The following NRXN3 variants were observed in gnomAD, a reference collection of about 807,000 sequenced individuals.
NRXN3 encodes the protein neurexin 3, also known as neurexin III.
In NRXN3, 32 loss-of-function variants were observed where a neutral mutation model predicts 137.6. The observed-to-expected ratio is 0.23, with a 90% CI of 0.18 to 0.31. The LOEUF is 0.31. NRXN3 is among the 10% of genes least tolerant of loss of function. The probability of loss-of-function intolerance (pLI) is 1.00; values close to 1 mark genes in which losing one functional copy is unlikely to be tolerated. For missense variants in NRXN3, 1,574 were observed against 2,062.5 expected (o/e 0.76, Z 4.59); for synonymous variants, 798 against 784.5 (o/e 1.02, Z -0.29).
chr14:79,330,196 C>G (rs192354403), intron 15 of NRXN3, among the ~76,000 whole-genome samples: 155 of 152,078 alleles, frequency 1.0e-3, no homozygotes, highest in African/African-American at 3.7e-3. Flanking sequence ...AGGGGTGGAT[C>G]TGTTAATAGA....
chr14:79,720,003 A>G (rs2098838590), intron 19 of NRXN3, among the ~76,000 whole-genome samples: 1 of 151,992 alleles, frequency 6.6e-6, no homozygotes, highest in African/African-American at 2.4e-5. Flanking sequence ...ATCCCTCAAG[A>G]CTAAGTTGAA....
chr14:78,303,434 G>T (rs546670868), intron 4 of NRXN3, among the ~76,000 whole-genome samples: 105 of 152,060 alleles, frequency 6.9e-4, no homozygotes, highest in Non-Finnish European at 1.2e-3. Context: ...CATGCAGAAA[G>T]GACTCAAAAT....
At chr14:79,097,314 G>A (rs1429148513) in intron 15 of NRXN3, among the ~76,000 whole-genome samples, 1 of 152,162 alleles carries the variant, frequency 6.6e-6, no homozygotes, top group Non-Finnish European at 1.5e-5. Context: ...GTAACCCTAG[G>A]AGTTTGGCGG....
chr14:78,445,250 G>T (rs2094385941), intron 4 of NRXN3, among the ~76,000 whole-genome samples: 1 of 152,138 alleles, frequency 6.6e-6, no homozygotes, highest in Non-Finnish European at 1.5e-5. Context: ...CTTCCTGTTT[G>T]GTTATTGGAA....
intron 19 of NRXN3, among the ~76,000 whole-genome samples, chr14:79,798,139 G>T (rs934234258): frequency 5.9e-5 from 9 of 151,710 alleles, no homozygotes; most frequent in Admixed American, 1.3e-4. Context: ...GTATGTGTGG[G>T]TATTAGCACT....
At chr14:78,343,540 T>C (rs1047290268) in intron 4 of NRXN3, among the ~76,000 whole-genome samples, 1 of 152,244 alleles carries the variant, frequency 6.6e-6, no homozygotes, top group Admixed American at 6.5e-5. Context: ...TTTTATTTAA[T>C]TCTTACACCA....
At chr14:78,626,621 A>G (rs2097461272) in intron 4 of NRXN3, among the ~76,000 whole-genome samples, 2 of 152,210 alleles carry the variant, frequency 1.3e-5, no homozygotes, top group South Asian at 2.1e-4. Flanking sequence ...ATAAAAAGTC[A>G]TTCATGTATT....
chr14:78,186,552 G>T (rs958812205), intron 1 of NRXN3, among the ~76,000 whole-genome samples: 4 of 152,262 alleles, frequency 2.6e-5, no homozygotes, highest in African/African-American at 9.6e-5. Context: ...GGCCCTCACT[G>T]GGTGGTTATG....
intron 1 of NRXN3, among the ~76,000 whole-genome samples, chr14:78,233,685 C>T (rs1287564484): frequency 2.5e-5 from 2 of 79,232 alleles, no homozygotes; most frequent in East Asian, 4.5e-4. Context: ...TTTAAGTATG[C>T]TTCAAAAAAA....
At chr14:79,010,754 G>C (rs992469518) in intron 15 of NRXN3, among the ~76,000 whole-genome samples, 3 of 152,096 alleles carry the variant, frequency 2.0e-5, no homozygotes, top group African/African-American at 4.8e-5. Flanking sequence ...CAAACAAGTA[G>C]ATATTATTGC....
intron 15 of NRXN3, among the ~76,000 whole-genome samples, chr14:79,324,900 A>C (rs2090623910): frequency 2.6e-5 from 4 of 152,160 alleles, no homozygotes; most frequent in Admixed American, 2.6e-4. Context: ...TGTAATGAAA[A>C]AAGAAAACAG....
chr14:78,965,649 A>G (rs527729580), intron 11 of NRXN3, among the ~76,000 whole-genome samples: 1 of 152,336 alleles, frequency 6.6e-6, no homozygotes, highest in South Asian at 2.1e-4. Flanking sequence ...AGTGATGCCC[A>G]AGACTTGTGT....
At chr14:78,689,506 G>A (rs948602862) in intron 6 of NRXN3, among the ~76,000 whole-genome samples, 1 of 152,108 alleles carries the variant, frequency 6.6e-6, no homozygotes, top group African/African-American at 2.4e-5. Flanking sequence ...TCCTAGGAAA[G>A]ATACAAGAGT....
At chr14:79,334,993 A>G (rs1232933094) in intron 15 of NRXN3, among the ~76,000 whole-genome samples, 1 of 152,162 alleles carries the variant, frequency 6.6e-6, no homozygotes, top group Non-Finnish European at 1.5e-5. Flanking sequence ...AAATATTCCC[A>G]GCCTTGCCTG....
chr14:78,215,141 G>A (rs2063126775), intron 1 of NRXN3, among the ~76,000 whole-genome samples: 1 of 152,198 alleles, frequency 6.6e-6, no homozygotes, highest in African/African-American at 2.4e-5. Flanking sequence ...ACCCACTGGA[G>A]ATGGGGGTGG....
intron 15 of NRXN3, among the ~76,000 whole-genome samples, chr14:79,435,228 G>GTA (rs748446108): frequency 7.9e-5 from 12 of 151,230 alleles, no homozygotes; most frequent in Non-Finnish European, 4.4e-5. Flanking sequence ...CTATCAGCAA[G>GTA]TAATGAAGCA....
At chr14:79,639,461 A>C (rs2098421916) in intron 16 of NRXN3, among the ~76,000 whole-genome samples, 1 of 151,166 alleles carries the variant, frequency 6.6e-6, no homozygotes, top group Admixed American at 6.6e-5. Context: ...GTAGTTGAGT[A>C]CTAATGTGGC....
intron 15 of NRXN3, among the ~76,000 whole-genome samples, chr14:79,090,466 T>C (rs2048952141): frequency 6.6e-6 from 1 of 152,180 alleles, no homozygotes; most frequent in Non-Finnish European, 1.5e-5. Flanking sequence ...GTTTGTTCTT[T>C]CTTTTCTCAT....
intron 15 of NRXN3, among the ~76,000 whole-genome samples, chr14:79,450,674 C>T (rs2096153463): frequency 6.6e-6 from 1 of 152,048 alleles, no homozygotes; most frequent in Non-Finnish European, 1.5e-5. Flanking sequence ...GCCTGGCCAA[C>T]ATGGCGAAAA....
Sources: gnomAD v4.1 joint callset for allele counts (sites outside exome capture counted in the v4.1 genomes callset) on GRCh38, gnomAD v4.1.1 for gene constraint, MANE v1.5 for transcripts, NCBI Gene and HGNC (gene_info 2026-07-23, HGNC 2026-07-21) for gene names.